Variants in DMD observed in about 807,000 individuals in gnomAD.
DMD encodes mutant dystrophin.
In DMD, 63 loss-of-function variants were observed where a neutral mutation model predicts 330.1. That is an observed-to-expected ratio of 0.19 (90% CI 0.16 to 0.24). DMD has a LOEUF of 0.24. DMD is among the 10% of genes least tolerant of loss of function. DMD has a pLI of 1.00. For synonymous variants in DMD, 1,223 were observed against 959.8 expected (o/e 1.27, Z -5.07); for missense variants, 3,344 against 2,684.1 (o/e 1.25, Z -5.43).
intron 18 of DMD, among the ~76,000 whole-genome samples, chrX:32,513,508 G>A (rs999630754): frequency 8.9e-6 from 1 of 111,831 alleles, no homozygotes; most frequent in Non-Finnish European, 1.9e-5. Flanking sequence ...AGCTGTTAAG[G>A]GAGCAGGATT....
At chrX:32,357,912 C>T (rs1214974434) in intron 37 of DMD, among the ~76,000 whole-genome samples, 1 of 109,553 alleles carries the variant, frequency 9.1e-6, no homozygotes, top group African/African-American at 3.3e-5. Context: ...ATGTTTATGC[C>T]GAATTGTTAC....
At chrX:32,719,394 CTGTG>C (rs764733046) in intron 7 of DMD, among the ~76,000 whole-genome samples, 99 of 111,489 alleles carry the variant, frequency 8.9e-4, no homozygotes, top group Admixed American at 2.6e-3. Context: ...ATTTGTTTCT[CTGTG>C]TGAGTGTAGG....
At chrX:32,744,813 C>T (rs902381960) in intron 7 of DMD, among the ~76,000 whole-genome samples, 18 of 111,665 alleles carry the variant, frequency 1.6e-4, no homozygotes, top group African/African-American at 5.5e-4. Flanking sequence ...TACCAGTCTC[C>T]GAAAAGATAC....
intron 61 of DMD, among the ~76,000 whole-genome samples, chrX:31,328,078 T>C (rs762081831): frequency 1.8e-5 from 2 of 112,463 alleles, no homozygotes; most frequent in South Asian, 7.4e-4. Flanking sequence ...TTTTCATTGC[T>C]AAAAAATTCC....
chrX:31,309,410 T>A lies in DMD; in HGVS notation c.9224+14188A>T, dbSNP rs1447139831. On this transcript the variant is annotated intron_variant, in intron 62 of 78. Coordinates refer to ENST00000357033, the MANE Select transcript of DMD (RefSeq NM_004006.3). ...GTATAACTGTTATATCACTTCCTAGTCCTGACCCTGGCCTTTTCTTAGACT... is the reference window on the plus strand; with the variant it reads ...GTATAACTGTTATATCACTTCCTAGACCTGACCCTGGCCTTTTCTTAGACT... Among the ~76,000 whole-genome samples the A allele has an allele frequency of 6.2e-5, 7 of 112,289 alleles. No individual in the cohort carries two copies. The East Asian group carries it at 1.7e-3, about 27-fold the overall frequency.
At chrX:32,929,434 C>G (rs1226479358) in intron 2 of DMD, among the ~76,000 whole-genome samples, 1 of 110,410 alleles carries the variant, frequency 9.1e-6, no homozygotes, top group Non-Finnish European at 1.9e-5. Context: ...TTCTCTCTCT[C>G]TCTCTCTCTC....
chrX:31,665,616 T>G (rs1032724054), intron 53 of DMD, among the ~76,000 whole-genome samples: 4 of 111,737 alleles, frequency 3.6e-5, no homozygotes, highest in Non-Finnish European at 7.5e-5. Context: ...AAAATGGCCC[T>G]CATTTTCCGG....
intron 1 of DMD, among the ~76,000 whole-genome samples, chrX:33,220,552 GATAA>G (rs1286176529): frequency 1.8e-5 from 2 of 111,528 alleles, no homozygotes; most frequent in East Asian, 2.8e-4. Flanking sequence ...TTGCATGTGT[GATAA>G]ATAAATTGGG....
chrX:32,343,517 A>G (rs1250496066), intron 39 of DMD, among the ~76,000 whole-genome samples: 4 of 112,049 alleles, frequency 3.6e-5, no homozygotes, highest in African/African-American at 1.3e-4. Context: ...ATTTTCTCTT[A>G]GCATGTTCAA....
intron 50 of DMD, among the ~76,000 whole-genome samples, chrX:31,793,243 C>T (rs910863165): frequency 2.7e-5 from 3 of 110,563 alleles, no homozygotes; most frequent in South Asian, 3.9e-4. Context: ...AGGCAACATT[C>T]GAGCAGGAAA....
rs148167503 is a variant in DMD at position 32,880,314 on chromosome X, C to G, written c.94-30494G>C. On this transcript the variant is annotated intron_variant, in intron 2 of 78. Coordinates refer to ENST00000357033, the MANE Select transcript of DMD (RefSeq NM_004006.3). ...AAAAAAAAGCCTTTTTCAGCTTAGT[C>G]TTCTTAGCAACTAACTGATTGTCTG... Among the ~76,000 whole-genome samples the G allele has an allele frequency of 3.3e-3, 342 of 104,800 alleles. 8 individuals carry two copies. The East Asian group carries it at 0.052, about 16-fold the overall frequency. 91.0% of individuals were successfully genotyped at this position (104,800 alleles called of 115,157 possible). A position where few individuals can be genotyped will look rare whatever the true frequency, so the allele number is the denominator to read the frequency against.
chrX:32,569,551 C>T (rs982644373), intron 15 of DMD, among the ~76,000 whole-genome samples: 1 of 111,506 alleles, frequency 9.0e-6, no homozygotes, highest in African/African-American at 3.3e-5. Context: ...ATGTGCATTC[C>T]TAACAAATTT....
At chrX:31,340,942 C>T (rs2057696537) in intron 61 of DMD, among the ~76,000 whole-genome samples, 1 of 111,969 alleles carries the variant, frequency 8.9e-6, no homozygotes, top group Non-Finnish European at 1.9e-5. Flanking sequence ...ATTTATCACT[C>T]GTTAGTTATA....
chrX:31,334,889 T>C (rs1046378624), intron 61 of DMD, among the ~76,000 whole-genome samples: 3 of 111,620 alleles, frequency 2.7e-5, no homozygotes, highest in African/African-American at 9.8e-5. Context: ...TCAAACCCTC[T>C]AAGCATGCTC....
intron 7 of DMD, among the ~76,000 whole-genome samples, chrX:32,719,452 T>C (rs1000302835): frequency 1.8e-5 from 2 of 111,769 alleles, no homozygotes; most frequent in Admixed American, 1.9e-4. Context: ...AAAGTATACA[T>C]ATGTTGCCAA....
At chrX:33,158,391 G>A (rs2148654817) in intron 1 of DMD, among the ~76,000 whole-genome samples, 1 of 111,045 alleles carries the variant, frequency 9.0e-6, no homozygotes, top group South Asian at 3.9e-4. Context: ...GTTTTCGCCA[G>A]GTTCTTTGTT....
chrX:31,570,759 G>GT (rs1469113798), intron 55 of DMD, among the ~76,000 whole-genome samples: 1 of 111,307 alleles, frequency 9.0e-6, no homozygotes, highest in African/African-American at 3.3e-5. Context: ...AGACTAATAG[G>GT]TTTTTCCATA....
At chrX:33,119,110 C>T (rs1203802881) in intron 1 of DMD, among the ~76,000 whole-genome samples, 2 of 112,612 alleles carry the variant, frequency 1.8e-5, no homozygotes, top group South Asian at 7.2e-4. Context: ...ACAAAGACAC[C>T]TTAGACTTTA....
chrX:31,326,972 ATC>A (rs1055692403), intron 61 of DMD, among the ~76,000 whole-genome samples: 2 of 112,311 alleles, frequency 1.8e-5, no homozygotes, highest in Non-Finnish European at 3.8e-5. Context: ...AGACACACAC[ATC>A]TTTTATGCCT....
Sources: gnomAD v4.1 joint callset for allele counts (sites outside exome capture counted in the v4.1 genomes callset) on GRCh38, gnomAD v4.1.1 for gene constraint, MANE v1.5 for transcripts, NCBI Gene and HGNC (gene_info 2026-07-23, HGNC 2026-07-21) for gene names.